LCN12: variants seen among roughly 807,000 people sequenced by gnomAD.
LCN12 encodes lipocalin 12, also known as epididymal-specific lipocalin-12.
In LCN12, 15 loss-of-function variants were observed where a neutral mutation model predicts 23.7. That is an observed-to-expected ratio of 0.63 (90% confidence interval 0.42 to 0.97). The LOEUF is 0.97. Among genes scored for constraint, LCN12 ranks in the 50% least tolerant of loss-of-function variants. The probability of loss-of-function intolerance (pLI) is 0.00; values close to 1 mark genes in which losing one functional copy is unlikely to be tolerated. For missense variants in LCN12, 219 were observed against 249.6 expected (o/e 0.88, Z 0.83); for synonymous variants, 116 against 111.5 (o/e 1.04, Z -0.25).
chr9:136,953,119 G>C, intron 2 of LCN12, 91 bp downstream of exon 2: 1 of 1,517,470 alleles, frequency 6.6e-7, no homozygotes, highest in Non-Finnish European at 9.0e-7. Context: ...CATGGGCCCT[G>C]TCCCAGCACA....
Position 136,953,368 on chromosome 9 carries a change from GGCCGGGCGCGGTCGC to G in LCN12, c.252-329_252-315del. 2 of 93,314 alleles carry G rather than the reference GGCCGGGCGCGGTCGC, an allele frequency of 2.1e-5. 1 individual carries two copies. The highest frequency in any genetic ancestry group is 2.6e-4 in the South Asian group (2 of 7,666). 5.8% of individuals were successfully genotyped at this position (93,314 alleles called of 1,614,324 possible). A position where few individuals can be genotyped will look rare whatever the true frequency, so the allele number is the denominator to read the frequency against. The stretch of plus-strand genomic sequence containing the variant: ...ACACCTGTAATCCTAGCACTTTGGG[GGCCGGGCGCGGTCGC>G]GCACACCTGTAATCCTAGCACTTTG... On this transcript the variant is annotated intron_variant, in intron 2 of 5. Coordinates refer to ENST00000371633, the MANE Select transcript of LCN12 (RefSeq NM_178536.4).
At chr9:136,954,378 CAG>C in intron 5 of LCN12, 123 bp downstream of exon 5, 6 of 1,091,924 alleles carry the variant, frequency 5.5e-6, no homozygotes, top group Non-Finnish European at 8.2e-6. Flanking sequence ...AGCCTGCGCT[CAG>C]GGGTCTCCAG....
chr9:136,951,095 C>T (rs1475607727), upstream of LCN12, among the ~76,000 whole-genome samples: 1 of 151,704 alleles, frequency 6.6e-6, no homozygotes, highest in African/African-American at 2.4e-5. Flanking sequence ...TTGGTGACCC[C>T]TAACATGGAG....
chr9:136,951,141 G>A (rs1851143120), upstream of LCN12: 2 of 153,754 alleles, frequency 1.3e-5, no homozygotes, highest in Admixed American at 1.3e-4. Context: ...CTGTGAGGAT[G>A]GGAGGAGAGG....
At chr9:136,953,139 A>C in intron 2 of LCN12, 111 bp downstream of exon 2, 5 of 1,443,148 alleles carry the variant, frequency 3.5e-6, no homozygotes, top group Non-Finnish European at 3.8e-6. Context: ...AGGCAGCTTC[A>C]TGACTCTGCC....
upstream of LCN12, among the ~76,000 whole-genome samples, chr9:136,949,930 C>A (rs1348991402): frequency 6.6e-6 from 1 of 152,214 alleles, no homozygotes; most frequent in Non-Finnish European, 1.5e-5. Flanking sequence ...CACCGCCTCC[C>A]GCCTCGGCCT....
Position 136,953,011 on chromosome 9 carries a change from G to A in LCN12, c.234G>A (p.Val78=). Residue 78 remains valine, a synonymous_variant, in exon 2 of 6, where the codon GTG becomes GTA. Transcript: ENST00000371633. ...TAAGTGATGATGGCCGCTTTGAGGT[G>A]TGGAATGCGATGACTCGGTGAGTGG... ...FELSDDGRFE[V]WNAMTRGQHC... 3 of 1,614,064 alleles carry A rather than the reference G, an allele frequency of 1.9e-6. No individual in the cohort carries two copies. Among genetic ancestry groups the A allele is most frequent in the African/African-American group, 1.3e-5 (1 of 75,074 alleles).
At chr9:136,952,777 G>A in intron 1 of LCN12, 115 bp from the exon 2 acceptor site, 5 of 1,279,366 alleles carry the variant, frequency 3.9e-6, no homozygotes, top group Non-Finnish European at 4.3e-6. Context: ...GGCCCAGCCA[G>A]GAGCACTGCT....
At chr9:136,951,590 G>A (rs182950610), upstream of LCN12, among the ~76,000 whole-genome samples, 15 of 152,358 alleles carry the variant, frequency 9.8e-5, no homozygotes, top group South Asian at 2.7e-3. Flanking sequence ...CCAGCATGGG[G>A]TGCCCACTCC....
chr9:136,954,040 C>T (rs1564448042), intron 4 of LCN12, 76 bp downstream of exon 4: 1 of 1,560,608 alleles, frequency 6.4e-7, no homozygotes, highest in South Asian at 1.2e-5. Context: ...TCAGACCCTG[C>T]CTCCCCACCC....
intron 1 of LCN12, 44 bp downstream of exon 1, chr9:136,952,485 AG>A: frequency 7.3e-7 from 1 of 1,371,886 alleles, no homozygotes; most frequent in Non-Finnish European, 1.0e-6. Flanking sequence ...GCTGGGTCTG[AG>A]TGCAGGGAGA....
upstream of LCN12, among the ~76,000 whole-genome samples, chr9:136,950,024 G>A (rs1428834481): frequency 6.7e-6 from 1 of 148,598 alleles, no homozygotes; most frequent in Non-Finnish European, 1.5e-5. Flanking sequence ...GTCAGAGCCA[G>A]GACTCCCCCG....
Position 136,954,839 on chromosome 9 carries a change from C to T in LCN12, c.551-532C>T, listed in dbSNP as rs530667144. On this transcript the variant is annotated intron_variant, in intron 5 of 5. Coordinates refer to ENST00000371633, the MANE Select transcript of LCN12 (RefSeq NM_178536.4). ...GTGGGAGGGCGAGGTCAGCCTGAGT[C>T]CCTCCTCTTCCTGGAGGGATGCCCA... 4.1e-4 allele frequency: 518 copies of T among 1,265,556 alleles called. 3 individuals carry two copies. The African/African-American group carries it at 7.2e-3, about 18-fold the overall frequency. 78.4% of individuals were successfully genotyped at this position (1,265,556 alleles called of 1,614,324 possible).
chr9:136,952,319 G>T lies in LCN12; in HGVS notation c.-9G>T. On this transcript the variant is annotated 5_prime_UTR_variant, in exon 1 of 6. Coordinates refer to ENST00000371633, the MANE Select transcript of LCN12 (RefSeq NM_178536.4). ...TCTCTCTGTCCCTGTGGGCCCAGCA[G>T]CTGCCAGGATGAGGCTGCTGTGTGG... is the stretch of plus-strand genomic sequence containing the variant. 6.3e-7 allele frequency: 1 copy of T among 1,599,990 alleles called. No individual in the cohort carries two copies.
chr9:136,954,719 C>G, intron 5 of LCN12: 1 of 1,291,328 alleles, frequency 7.7e-7, no homozygotes, highest in Non-Finnish European at 1.0e-6. Context: ...TTGGACTCAT[C>G]CCAGGAGGTG....
intron 1 of LCN12, 155 bp downstream of exon 1, chr9:136,952,596 G>A: frequency 1.6e-6 from 1 of 644,958 alleles, no homozygotes; most frequent in Non-Finnish European, 2.7e-6. Context: ...AGCAGAGGAG[G>A]GCCCAGCGCA....
rs34635210 is a variant in LCN12, at chr9:136,953,048, G to T, written c.251+20G>T. On this transcript the variant is annotated intron_variant, in intron 2 of 5. Transcript: ENST00000371633. Reference sequence around the variant, plus strand: ...GACTCGGTGAGTGGCTGTCCCTGCCGTTCCAAGCGGGTGAGGAGGATCCCG... The same window carrying T: ...GACTCGGTGAGTGGCTGTCCCTGCCTTTCCAAGCGGGTGAGGAGGATCCCG... The T allele has an allele frequency of 1.2e-6, 2 of 1,612,902 alleles. No homozygotes were observed. Among genetic ancestry groups the T allele is most frequent in the East Asian group, 2.2e-5 (1 of 44,880 alleles).
intron 1 of LCN12, 25 bp from the exon 2 acceptor site, chr9:136,952,867 C>T: frequency 1.9e-6 from 3 of 1,606,036 alleles, no homozygotes; most frequent in Non-Finnish European, 2.5e-6. Flanking sequence ...CCCACCGCCG[C>T]CCCTGCCCAC....
At chr9:136,951,407 C>T (rs1851147987), upstream of LCN12, 2 of 152,332 alleles carry the variant, frequency 1.3e-5, no homozygotes, top group African/African-American at 4.8e-5. Context: ...GTGTGCACCA[C>T]CACCCCCAGC....
Sources: allele counts gnomAD v4.1 joint callset (sites outside exome capture counted in the v4.1 genomes callset), GRCh38; gene constraint gnomAD v4.1.1; transcripts MANE v1.5; gene names NCBI Gene and HGNC (gene_info 2026-07-23, HGNC 2026-07-21).